Variants in NKAIN2 observed in about 807,000 individuals in gnomAD.
The protein encoded by NKAIN2 is sodium/potassium-transporting ATPase subunit beta-1-interacting protein 2.
NKAIN2 carries 14 observed loss-of-function variants against 32.6 expected under a neutral mutation model. The observed-to-expected ratio is 0.43, with a 90% confidence interval of 0.28 to 0.67. NKAIN2 has a LOEUF of 0.67. Ranked by LOEUF, NKAIN2 falls within the 30% of genes least tolerant of loss-of-function variation. The probability of loss-of-function intolerance (pLI) is 0.17; values close to 1 mark genes in which losing one functional copy is unlikely to be tolerated. For missense variants in NKAIN2, 198 were observed against 258.3 expected (o/e 0.77, Z 1.60); for synonymous variants, 80 against 87.2 (o/e 0.92, Z 0.46).
At chr6:124,766,457 G>A (rs1306184388) in intron 4 of NKAIN2, among the ~76,000 whole-genome samples, 1 of 152,036 alleles carries the variant, frequency 6.6e-6, no homozygotes, top group African/African-American at 2.4e-5. Flanking sequence ...TCCCTTCCAC[G>A]CACCCTCTCC....
intron 5 of NKAIN2, among the ~76,000 whole-genome samples, chr6:124,804,223 C>G (rs562244583): frequency 6.6e-6 from 1 of 152,244 alleles, no homozygotes; most frequent in South Asian, 2.1e-4. Context: ...ATAACAAGAT[C>G]CAGGTCTCAG....
At chr6:124,625,224 A>G (rs1783269577) in intron 3 of NKAIN2, among the ~76,000 whole-genome samples, 1 of 152,162 alleles carries the variant, frequency 6.6e-6, no homozygotes, top group Admixed American at 6.6e-5. Context: ...AGTTGAGTAT[A>G]ATTTCCTTTT....
intron 2 of NKAIN2, among the ~76,000 whole-genome samples, chr6:124,312,099 A>T (rs1796743033): frequency 6.6e-6 from 1 of 152,136 alleles, no homozygotes. Context: ...CATACATGGG[A>T]GTATTTAGCA....
chr6:124,309,772 G>C (rs1796644441), intron 2 of NKAIN2, among the ~76,000 whole-genome samples: 1 of 151,788 alleles, frequency 6.6e-6, no homozygotes, highest in Non-Finnish European at 1.5e-5. Context: ...ATTTTTACTG[G>C]GCTTTTTAAA....
At chr6:124,796,882 A>G (rs1780021326) in intron 5 of NKAIN2, among the ~76,000 whole-genome samples, 1 of 152,194 alleles carries the variant, frequency 6.6e-6, no homozygotes, top group Admixed American at 6.5e-5. Context: ...GTCACCAGCC[A>G]TGCAGAGCTT....
At chr6:124,397,631 A>G (rs78161112) in intron 3 of NKAIN2, among the ~76,000 whole-genome samples, 22 of 145,658 alleles carry the variant, frequency 1.5e-4, no homozygotes, top group African/African-American at 5.3e-4. Flanking sequence ...TGAAATGTGG[A>G]AAAAAAAGAA....
At chr6:124,218,363 T>C (rs1791601376) in intron 1 of NKAIN2, among the ~76,000 whole-genome samples, 1 of 152,192 alleles carries the variant, frequency 6.6e-6, no homozygotes, top group African/African-American at 2.4e-5. Flanking sequence ...GAGGTTATTC[T>C]CACATGACTG....
intron 1 of NKAIN2, among the ~76,000 whole-genome samples, chr6:123,911,812 T>TACAC (rs60501930): frequency 0.047 from 3,991 of 84,954 alleles, 260 homozygotes; most frequent in Non-Finnish European, 0.065. Context: ...TATATATATA[T>TACAC]ACACACACAC....
intron 1 of NKAIN2, among the ~76,000 whole-genome samples, chr6:124,008,639 G>A (rs1165646626): frequency 1.3e-5 from 2 of 151,982 alleles, no homozygotes; most frequent in Admixed American, 6.6e-5. Context: ...GTTTAGATGC[G>A]TGTTTATGAA....
chr6:124,744,912 G>A (rs1055455501), intron 4 of NKAIN2, among the ~76,000 whole-genome samples: 2 of 151,824 alleles, frequency 1.3e-5, no homozygotes, highest in Admixed American at 6.6e-5. Flanking sequence ...TCAAATAGGT[G>A]AGATGTCATC....
intron 1 of NKAIN2, among the ~76,000 whole-genome samples, chr6:124,177,721 A>G (rs192735113): frequency 1.2e-4 from 18 of 152,256 alleles, no homozygotes; most frequent in African/African-American, 4.3e-4. Context: ...GAAGCTCTCA[A>G]AATGGGATTA....
intron 1 of NKAIN2, among the ~76,000 whole-genome samples, chr6:124,169,611 T>C (rs1328641422): frequency 6.6e-6 from 1 of 152,214 alleles, no homozygotes; most frequent in Non-Finnish European, 1.5e-5. Flanking sequence ...GCAACCAGGC[T>C]TAAATTCTAC....
intron 3 of NKAIN2, among the ~76,000 whole-genome samples, chr6:124,392,170 T>G (rs1021850199): frequency 2.0e-5 from 3 of 152,178 alleles, no homozygotes; most frequent in African/African-American, 7.2e-5. Context: ...TGGATATCTT[T>G]TTTATTTCTC....
chr6:124,353,544 G>A (rs1400247778), intron 2 of NKAIN2, among the ~76,000 whole-genome samples: 1 of 152,170 alleles, frequency 6.6e-6, no homozygotes, highest in African/African-American at 2.4e-5. Flanking sequence ...CACAAGGTCA[G>A]GAGATCGAGA....
intron 3 of NKAIN2, among the ~76,000 whole-genome samples, chr6:124,596,654 A>C (rs1782097353): frequency 7.1e-6 from 1 of 140,254 alleles, no homozygotes. Context: ...CAGAACAAAT[A>C]AACCATAGGG....
intron 1 of NKAIN2, among the ~76,000 whole-genome samples, chr6:124,095,669 G>A (rs1784619080): frequency 6.6e-6 from 1 of 152,064 alleles, no homozygotes; most frequent in Non-Finnish European, 1.5e-5. Context: ...ACTTACCTTA[G>A]TAAGTATACA....
intron 2 of NKAIN2, among the ~76,000 whole-genome samples, chr6:124,296,785 T>C (rs538937977): frequency 2.4e-4 from 37 of 152,242 alleles, no homozygotes; most frequent in Non-Finnish European, 5.0e-4. Context: ...ATCAAGGAAA[T>C]AGGAATTGTT....
chr6:123,986,367 A>C (rs1052511498), intron 1 of NKAIN2, among the ~76,000 whole-genome samples: 3 of 152,198 alleles, frequency 2.0e-5, no homozygotes, highest in Non-Finnish European at 4.4e-5. Flanking sequence ...ATTTGTACCA[A>C]TACAGCTGTA....
chr6:124,469,255 C>T (rs939081294), intron 3 of NKAIN2, among the ~76,000 whole-genome samples: 4 of 152,088 alleles, frequency 2.6e-5, no homozygotes, highest in African/African-American at 9.7e-5. Flanking sequence ...GAGCAGTGTG[C>T]AGTTATGGTG....
Sources: allele counts gnomAD v4.1 joint callset (sites outside exome capture counted in the v4.1 genomes callset), GRCh38; gene constraint gnomAD v4.1.1; transcripts MANE v1.5; gene names NCBI Gene and HGNC (gene_info 2026-07-23, HGNC 2026-07-21).